NCAM2: variants seen among roughly 807,000 people sequenced by gnomAD.
NCAM2 encodes neural cell adhesion molecule 2.
NCAM2 carries 30 observed loss-of-function variants against 98.1 expected under a neutral mutation model. That is an observed-to-expected ratio of 0.31 (90% CI 0.23 to 0.41). The LOEUF (loss-of-function observed/expected upper bound fraction) is 0.41, where lower values mean the gene tolerates loss of function less well. Among genes scored for constraint, NCAM2 ranks in the 10% least tolerant of loss-of-function variants. The pLI, the probability that NCAM2 is intolerant of heterozygous loss-of-function variation, is 1.00. For synonymous variants in NCAM2, 368 were observed against 342.4 expected (o/e 1.07, Z -0.83); for missense variants, 867 against 1,005.8 (o/e 0.86, Z 1.87).
intron 15 of NCAM2, among the ~76,000 whole-genome samples, chr21:21,481,919 G>T (rs1176337177): frequency 1.3e-5 from 2 of 152,130 alleles, no homozygotes; most frequent in Non-Finnish European, 2.9e-5. Flanking sequence ...ACAACATAGT[G>T]AAACCCTGTC....
chr21:21,013,199 C>A (rs931647420), intron 1 of NCAM2, among the ~76,000 whole-genome samples: 5 of 152,142 alleles, frequency 3.3e-5, no homozygotes, highest in Non-Finnish European at 5.9e-5. Flanking sequence ...AAAAGCTAGG[C>A]CTCCTGTGCC....
intron 1 of NCAM2, among the ~76,000 whole-genome samples, chr21:21,103,468 A>G (rs1205004739): frequency 6.4e-5 from 2 of 31,112 alleles, no homozygotes; most frequent in South Asian, 2.1e-3. Context: ...AGAGGAATGT[A>G]TATATGTACT....
At chr21:21,405,347 A>G (rs1269977087) in intron 9 of NCAM2, among the ~76,000 whole-genome samples, 1 of 152,132 alleles carries the variant, frequency 6.6e-6, no homozygotes, top group Non-Finnish European at 1.5e-5. Context: ...TAACCTCTTA[A>G]TGCCTCAGCA....
chr21:21,236,605 A>G (rs577282672), intron 1 of NCAM2, among the ~76,000 whole-genome samples: 1 of 152,280 alleles, frequency 6.6e-6, no homozygotes, highest in East Asian at 1.9e-4. Context: ...TTTTCATTGC[A>G]TAATAGTCTC....
chr21:21,284,144 CA>C (rs1293890103), intron 2 of NCAM2, 49 bp from the exon 3 acceptor site: 3 of 1,443,138 alleles, frequency 2.1e-6, no homozygotes, highest in Non-Finnish European at 2.9e-6. Flanking sequence ...AATGTTCAAA[CA>C]AATATTTTTA....
chr21:21,228,349 A>G (rs1478000078), intron 1 of NCAM2, among the ~76,000 whole-genome samples: 1 of 151,566 alleles, frequency 6.6e-6, no homozygotes, highest in Non-Finnish European at 1.5e-5. Flanking sequence ...ATACATTAGC[A>G]ATTTTCTGCC....
intron 1 of NCAM2, among the ~76,000 whole-genome samples, chr21:21,253,517 C>T (rs1300214345): frequency 6.6e-6 from 1 of 152,078 alleles, no homozygotes; most frequent in Non-Finnish European, 1.5e-5. Context: ...AATGCGAGGA[C>T]ACAGCTAGAA....
At chr21:21,251,392 G>A (rs1034088420) in intron 1 of NCAM2, among the ~76,000 whole-genome samples, 1 of 151,800 alleles carries the variant, frequency 6.6e-6, no homozygotes, top group Non-Finnish European at 1.5e-5. Flanking sequence ...CCACTTATGA[G>A]TGAGAACATG....
At chr21:21,134,415 G>A (rs1234578747) in intron 1 of NCAM2, among the ~76,000 whole-genome samples, 2 of 152,030 alleles carry the variant, frequency 1.3e-5, no homozygotes, top group Non-Finnish European at 2.9e-5. Context: ...GAAGAAGACA[G>A]TGGAGACCAG....
chr21:21,235,525 C>G (rs1322168347), intron 1 of NCAM2, among the ~76,000 whole-genome samples: 6 of 151,878 alleles, frequency 4.0e-5, no homozygotes, highest in Non-Finnish European at 8.8e-5. Context: ...CCAGAAATAC[C>G]TAAAATTATA....
chr21:21,493,745 C>A (rs1021364913), intron 15 of NCAM2, among the ~76,000 whole-genome samples: 6 of 151,968 alleles, frequency 3.9e-5, no homozygotes, highest in African/African-American at 7.2e-5. Flanking sequence ...CTGGCAATCA[C>A]TGACCTTTTT....
At chr21:21,272,705 G>C (rs2072563528) in intron 1 of NCAM2, among the ~76,000 whole-genome samples, 1 of 151,958 alleles carries the variant, frequency 6.6e-6, no homozygotes, top group Non-Finnish European at 1.5e-5. Context: ...TTATATTTGA[G>C]AAAAGGAGAT....
At chr21:21,185,528 A>G (rs887426549) in intron 1 of NCAM2, among the ~76,000 whole-genome samples, 1 of 152,162 alleles carries the variant, frequency 6.6e-6, no homozygotes, top group African/African-American at 2.4e-5. Flanking sequence ...TGGAAAAATA[A>G]TTATCAACAT....
At chr21:21,100,005 T>G (rs2146483730) in intron 1 of NCAM2, among the ~76,000 whole-genome samples, 1 of 152,054 alleles carries the variant, frequency 6.6e-6, no homozygotes, top group Admixed American at 6.6e-5. Flanking sequence ...GTGTGTCTTT[T>G]TCCTTCCTTT....
At chr21:21,097,209 A>C (rs562438008) in intron 1 of NCAM2, among the ~76,000 whole-genome samples, 8 of 151,832 alleles carry the variant, frequency 5.3e-5, no homozygotes, top group Admixed American at 2.0e-4. Flanking sequence ...AAAACAGACT[A>C]TGAAGAAGTG....
intron 8 of NCAM2, among the ~76,000 whole-genome samples, chr21:21,370,909 C>A (rs1218679430): frequency 1.3e-5 from 2 of 151,812 alleles, no homozygotes; most frequent in African/African-American, 4.8e-5. Flanking sequence ...TTATTACATT[C>A]AATTCCTATT....
At chr21:21,272,641 A>G (rs1403275806) in intron 1 of NCAM2, among the ~76,000 whole-genome samples, 1 of 152,082 alleles carries the variant, frequency 6.6e-6, no homozygotes, top group Admixed American at 6.6e-5. Flanking sequence ...AAGAATGAAG[A>G]GAGACATATT....
rs567234494 is a variant in NCAM2 at position 21,313,120 on chromosome 21, C to G, written c.620-11263C>G. Among the ~76,000 whole-genome samples, 11 of 151,876 alleles carry G rather than the reference C, an allele frequency of 7.2e-5. No individual in the cohort carries two copies. The South Asian group carries it at 2.3e-3, about 32-fold the overall frequency. On this transcript the variant is annotated intron_variant, in intron 5 of 17. Coordinates refer to ENST00000400546, the MANE Select transcript of NCAM2 (RefSeq NM_004540.5). ...CAATATGTGTCATCTCTCCTTTTTT[C>G]ATCCTGAGTCTTGCTGGAGGTTTAA...
intron 15 of NCAM2, among the ~76,000 whole-genome samples, chr21:21,484,665 T>C (rs781446595): frequency 1.3e-5 from 2 of 152,142 alleles, no homozygotes; most frequent in Non-Finnish European, 2.9e-5. Context: ...TTTCCTAAGG[T>C]CCAATTAATT....
Sources: gnomAD v4.1 joint callset for allele counts (sites outside exome capture counted in the v4.1 genomes callset) on GRCh38, gnomAD v4.1.1 for gene constraint, MANE v1.5 for transcripts, NCBI Gene and HGNC (gene_info 2026-07-23, HGNC 2026-07-21) for gene names.